MAP3K7CL: variants seen among roughly 807,000 people sequenced by gnomAD.
The protein encoded by MAP3K7CL is MAP3K7 C-terminal-like protein.
Under a neutral mutation model 18.6 loss-of-function variants are expected in MAP3K7CL, and 16 were observed. The observed-to-expected ratio is 0.86, with a 90% CI of 0.58 to 1.31. MAP3K7CL has a LOEUF of 1.31. MAP3K7CL is among the 50% of genes most tolerant of loss of function. The probability of loss-of-function intolerance (pLI) is 0.00; values close to 1 mark genes in which losing one functional copy is unlikely to be tolerated. For missense variants in MAP3K7CL, 163 were observed against 174.4 expected, an observed-to-expected ratio of 0.93 and a Z score of 0.37; for synonymous variants, 65 against 66.8, an observed-to-expected ratio of 0.97 and a Z score of 0.13.
upstream of MAP3K7CL, among the ~76,000 whole-genome samples, chr21:29,126,938 A>G (rs1238563965): frequency 6.6e-6 from 1 of 152,230 alleles, no homozygotes; most frequent in Non-Finnish European, 1.5e-5. Flanking sequence ...TGTCTTCTCA[A>G]CTATTCTCTA....
chr21:29,143,356 G>C (rs1467151384), intron 2 of MAP3K7CL, among the ~76,000 whole-genome samples: 1 of 151,930 alleles, frequency 6.6e-6, no homozygotes, highest in Non-Finnish European at 1.5e-5. Flanking sequence ...GAGTGGGCTT[G>C]GGAATGTCCT....
At chr21:29,087,178 G>A (rs1431776644) in intron 1 of MAP3K7CL, among the ~76,000 whole-genome samples, 4 of 152,150 alleles carry the variant, frequency 2.6e-5, no homozygotes, top group African/African-American at 7.2e-5. Flanking sequence ...CCTTAGTGTG[G>A]TTGATGCCTC....
chr21:29,113,821 A>G (rs2086460258), intron 4 of MAP3K7CL, among the ~76,000 whole-genome samples: 1 of 151,930 alleles, frequency 6.6e-6, no homozygotes, highest in South Asian at 2.1e-4. Flanking sequence ...ATGAGCCACC[A>G]CGCCCGGCCA....
chr21:29,154,490 ACACT>A (rs561776816), intron 3 of MAP3K7CL, among the ~76,000 whole-genome samples: 99 of 152,204 alleles, frequency 6.5e-4, no homozygotes, highest in Non-Finnish European at 1.1e-3. Context: ...TCTGTGGTAC[ACACT>A]GAACTAACAG....
intron 4 of MAP3K7CL, among the ~76,000 whole-genome samples, chr21:29,094,931 C>T (rs1192560908): frequency 6.6e-6 from 1 of 152,080 alleles, no homozygotes; most frequent in East Asian, 1.9e-4. Context: ...TGGTGGCATG[C>T]ACCTGCAGTC....
chr21:29,148,697 G>C (rs1394102896), intron 2 of MAP3K7CL, among the ~76,000 whole-genome samples: 1 of 152,116 alleles, frequency 6.6e-6, no homozygotes, highest in African/African-American at 2.4e-5. Flanking sequence ...ATGAGTTTCT[G>C]GTTAACTGCC....
At chr21:29,125,066 C>T (rs2086660163) in intron 4 of MAP3K7CL, among the ~76,000 whole-genome samples, 1 of 152,198 alleles carries the variant, frequency 6.6e-6, no homozygotes, top group Non-Finnish European at 1.5e-5. Context: ...CCCAGGTCTT[C>T]TGAATCTAGG....
At chr21:29,117,905 C>A (rs916130952) in intron 4 of MAP3K7CL, among the ~76,000 whole-genome samples, 1 of 151,808 alleles carries the variant, frequency 6.6e-6, no homozygotes. Flanking sequence ...TTATTCTGTT[C>A]TTTTCTTGAC....
intron 3 of MAP3K7CL, among the ~76,000 whole-genome samples, chr21:29,151,977 T>G (rs1237854226): frequency 6.6e-6 from 1 of 152,230 alleles, no homozygotes; most frequent in Non-Finnish European, 1.5e-5. Flanking sequence ...AGTTTCTGGC[T>G]CATGGTTTTG....
intron 1 of MAP3K7CL, among the ~76,000 whole-genome samples, chr21:29,088,364 CTGTT>C (rs923351395): frequency 6.6e-6 from 1 of 152,170 alleles, no homozygotes; most frequent in Admixed American, 6.5e-5. Flanking sequence ...AATATATAAT[CTGTT>C]TGACAAAAAC....
chr21:29,139,895 CTTTTTTTT>C (rs5843369), intron 2 of MAP3K7CL, among the ~76,000 whole-genome samples: 8 of 67,362 alleles, frequency 1.2e-4, no homozygotes, highest in East Asian at 1.1e-3. Flanking sequence ...CCATCTCTGG[CTTTTTTTT>C]TTTTTTTTTT....
At chr21:29,139,605 G>A (rs1391393409) in intron 2 of MAP3K7CL, among the ~76,000 whole-genome samples, 6 of 150,866 alleles carry the variant, frequency 4.0e-5, no homozygotes, top group African/African-American at 1.5e-4. Context: ...TTTTTTTTGA[G>A]ACGGAGTCTC....
chr21:29,153,097 T>G (rs16983785), intron 3 of MAP3K7CL, among the ~76,000 whole-genome samples: 20,700 of 152,226 alleles, frequency 0.14, 2,299 homozygotes, highest in African/African-American at 0.3. Flanking sequence ...TAATTTGCAG[T>G]GCTTCTATTT....
chr21:29,126,309 C>A (rs1034051043), upstream of MAP3K7CL, among the ~76,000 whole-genome samples: 3 of 152,178 alleles, frequency 2.0e-5, no homozygotes, highest in African/African-American at 7.2e-5. Context: ...GCATTTGTTT[C>A]CTGTTTTTGT....
chr21:29,165,062 G>GA (rs1238157742), intron 4 of MAP3K7CL, among the ~76,000 whole-genome samples: 6 of 151,666 alleles, frequency 4.0e-5, no homozygotes, highest in Admixed American at 1.3e-4. Context: ...ACCAAATTTA[G>GA]AAAAAATAAA....
chr21:29,157,111 T>G (rs571140991), intron 3 of MAP3K7CL, among the ~76,000 whole-genome samples: 1 of 152,176 alleles, frequency 6.6e-6, no homozygotes, highest in South Asian at 2.1e-4. Context: ...TTGCATTGAT[T>G]TTTTTCTTAT....
intron 2 of MAP3K7CL, among the ~76,000 whole-genome samples, chr21:29,134,829 C>T (rs927787021): frequency 6.6e-6 from 1 of 152,194 alleles, no homozygotes; most frequent in South Asian, 2.1e-4. Context: ...GCAGGTGGAT[C>T]ACGAGGTCAG....
At chr21:29,091,722 GTCC>G (rs2086032668) in exon 3 of MAP3K7CL, 1 of 702,398 alleles carries the variant, frequency 1.4e-6, no homozygotes. Flanking sequence ...GCTTCAAGCA[GTCC>G]TCCTGCTTTT....
At chr21:29,087,368 G>A (rs895252056) in intron 1 of MAP3K7CL, among the ~76,000 whole-genome samples, 1 of 151,994 alleles carries the variant, frequency 6.6e-6, no homozygotes, top group African/African-American at 2.4e-5. Flanking sequence ...TGCCAATTTG[G>A]ATGTAATCTT....
Sources: allele counts gnomAD v4.1 joint callset (sites outside exome capture counted in the v4.1 genomes callset), GRCh38; gene constraint gnomAD v4.1.1; transcripts MANE v1.5; gene names NCBI Gene and HGNC (gene_info 2026-07-23, HGNC 2026-07-21).